Variants in SCNN1D observed in about 807,000 individuals in gnomAD.
SCNN1D encodes the protein sodium channel epithelial 1 subunit delta, also known as epithelial sodium channel subunit delta.
In SCNN1D, 104 loss-of-function variants were observed where a neutral mutation model predicts 87.8. The observed-to-expected ratio is 1.18, with a 90% confidence interval of 1.01 to 1.39. The LOEUF (loss-of-function observed/expected upper bound fraction) is 1.39. SCNN1D is among the 40% of genes most tolerant of loss of function. SCNN1D has a pLI of 0.00. For synonymous variants in SCNN1D, 628 were observed against 481.2 expected (o/e 1.31, Z -3.99); for missense variants, 1,324 against 1,093.9 (o/e 1.21, Z -2.97).
chr1:1,291,373 AGGC>A lies in SCNN1D; in HGVS notation c.2176_2178del (p.Gly726del). On this transcript the variant is annotated inframe_deletion, in exon 18 of 18. Transcript: ENST00000379116. ...ATGCTTCTGCCCTCACCCTGGTGCT[AGGC>A]GGCCGCCGGCTCCGCAGGGCGTGGT... 1 of 1,608,684 alleles carries A rather than the reference AGGC, an allele frequency of 6.2e-7. No homozygotes were observed. The highest frequency in any genetic ancestry group is 8.5e-7 in the Non-Finnish European group (1 of 1,178,636).
Position 1,281,292 on chromosome 1 carries a change from AAGG to A in SCNN1D, c.76_77+1del. 1 of 1,535,784 alleles carries A rather than the reference AAGG, an allele frequency of 6.5e-7. No homozygotes were observed. The highest frequency in any genetic ancestry group is 1.2e-5 in the South Asian group (1 of 84,066). ...TGTGGCCCGGCCACCTCAGCGGCCC[AAGG>A]AGGTGAGCTCACAGCCATGCTCGGT... On this transcript the variant is annotated inframe_deletion and splice_region_variant, in exon 2 of 18. Transcript: ENST00000379116.
At position 1,291,684 on chromosome 1, in the gene SCNN1D, C is replaced by T; in HGVS notation, c.*74C>T. 1 of 1,241,852 alleles carries T rather than the reference C, an allele frequency of 8.1e-7. No individual in the cohort carries two copies. The highest frequency in any genetic ancestry group is 2.6e-5 in the Admixed American group (1 of 38,746). The allele number at this position is 1,241,852 out of a possible 1,614,324, so 76.9% of individuals were successfully genotyped here. A position where few individuals can be genotyped will look rare whatever the true frequency, so the allele number is the denominator to read the frequency against. ...GTGGCAGCAGCAGGCTCCCCAGCGG[C>T]CCAGGGTGGGCCAGACCAGCAGCCC... is the stretch of plus-strand genomic sequence containing the variant. On this transcript the variant is annotated 3_prime_UTR_variant, in exon 18 of 18. Transcript: ENST00000379116.
At position 1,281,520 on chromosome 1, in the gene SCNN1D, G is replaced by A. The variant is rs1640470964; in HGVS notation, c.187G>A (p.Gly63Arg). The A allele has an allele frequency of 6.5e-7, 1 of 1,535,506 alleles. No homozygotes were observed. The highest frequency in any genetic ancestry group is 8.7e-7 in the Non-Finnish European group (1 of 1,146,632). ...GPARGWPRRG[G>R]GPCGFTSAGH... ...AGCGAGGGGATGGCCCAGAAGAGGGGGAGGACCATGTGGATTCACCAGTGC... is the reference window on the plus strand; with the variant it reads ...AGCGAGGGGATGGCCCAGAAGAGGGAGAGGACCATGTGGATTCACCAGTGC... The change falls in exon 3 of 18, where the codon GGA becomes AGA. Residue 63 changes from glycine (G) to arginine (R), a missense_variant. By Grantham distance (125) the Gly-to-Arg change is moderately radical. Coordinates refer to ENST00000379116, the MANE Select transcript of SCNN1D (RefSeq NM_001130413.4).
chr1:1,291,598 T>A lies in SCNN1D; in HGVS notation c.2397T>A (p.Thr799=). Residue 799 remains threonine (T), a synonymous_variant, in exon 18 of 18, where the codon ACT becomes ACA. Transcript: ENST00000379116. ...ESWAGPQPLE[T]LDT is the part of the protein sequence containing the mutation. ...GGGCTGGGCCCCAGCCCCTTGAGAC[T>A]CTGGACACCTGAACCAGACCTGCCA... The A allele has an allele frequency of 6.5e-7, 1 of 1,536,172 alleles. No individual in the cohort carries two copies.
rs570258015 is a variant in SCNN1D at position 1,291,747 on chromosome 1, G to C, written c.*137G>C. The C allele has an allele frequency of 4.9e-6, 3 of 609,566 alleles. No individual in the cohort carries two copies. The South Asian group carries it at 8.5e-5, about 17-fold the overall frequency. The allele number at this position is 609,566 out of a possible 1,614,324, so 37.8% of individuals were successfully genotyped here. A position where few individuals can be genotyped will look rare whatever the true frequency, so the allele number is the denominator to read the frequency against. On this transcript the variant is annotated 3_prime_UTR_variant, in exon 18 of 18. Transcript: ENST00000379116. Reference sequence around the variant, plus strand: ...ACGCGGCCGTGGGGAGGCAGGCACCGGGCATGTCGGCGCCTCTGGTCAAAC... The same window carrying C: ...ACGCGGCCGTGGGGAGGCAGGCACCCGGCATGTCGGCGCCTCTGGTCAAAC...
At chr1:1,290,092 CCGTGTCTCTGCTCCGT>C (rs1184779656) in intron 12 of SCNN1D, among the ~76,000 whole-genome samples, 163 bp from the exon 13 acceptor site, 9 of 142,412 alleles carry the variant, frequency 6.3e-5, no homozygotes, top group East Asian at 2.1e-4. Flanking sequence ...CTGCTCCGTC[CCGTGTCTCTGCTCCGT>C]CCCGTGTCTC....
chr1:1,285,282 C>T (rs936636545), intron 5 of SCNN1D, among the ~76,000 whole-genome samples: 4 of 152,262 alleles, frequency 2.6e-5, no homozygotes, highest in African/African-American at 9.6e-5. Flanking sequence ...CCAGAGCCTC[C>T]AGCGCGGGAC....
chr1:1,291,237 C>T lies in SCNN1D; in HGVS notation c.2053-17C>T. 2 of 1,560,602 alleles carry T rather than the reference C, an allele frequency of 1.3e-6. No individual in the cohort carries two copies. Among genetic ancestry groups the T allele is most frequent in the South Asian group, 1.2e-5 (1 of 85,650 alleles). On this transcript the variant is annotated splice_polypyrimidine_tract_variant and intron_variant, in intron 17 of 17. Coordinates refer to ENST00000379116, the MANE Select transcript of SCNN1D (RefSeq NM_001130413.4). ...GGGGGCCTGGGCCCGCCCCTCACAC[C>T]CGCACCCCACCCGCAGGTGCCGCAG... is the stretch of plus-strand genomic sequence containing the variant.
In SCNN1D at chr1:1,287,947, G is replaced by T. The variant is rs747527483; in HGVS notation, c.1572G>T (p.Val524=). Residue 524 remains valine (V), a synonymous_variant, in exon 12 of 18, where the codon GTG becomes GTT. Transcript: ENST00000379116. ...GAAGCGTCCCCTCCCAGGACGAGGT[G>T]CACCGGCTCGGGAGCCCCTACGGCC... The part of the protein sequence containing the change: ...EATISIREDE[V]HRLGSPYGHC... The T allele has an allele frequency of 2.1e-5, 33 of 1,543,404 alleles. No individual in the cohort carries two copies. The highest frequency in any genetic ancestry group is 2.6e-5 in the Non-Finnish European group (30 of 1,142,566).
At chr1:1,286,304 G>T in intron 7 of SCNN1D, 26 bp downstream of exon 7, 1 of 1,509,932 alleles carries the variant, frequency 6.6e-7, no homozygotes, top group Non-Finnish European at 8.9e-7. Flanking sequence ...GTCGGCGGGA[G>T]GGGTGGCCGC....
At chr1:1,281,173 G>A in intron 1 of SCNN1D, 53 bp from the exon 2 acceptor site, 11 of 1,490,358 alleles carry the variant, frequency 7.4e-6, no homozygotes, top group Non-Finnish European at 9.9e-6. Context: ...GGGGCTCTGG[G>A]ATAGGAGGTC....
Position 1,290,387 on chromosome 1 carries a change from G to C in SCNN1D, c.1779G>C (p.Trp593Cys), listed in dbSNP as rs772734007. The C allele has an allele frequency of 6.2e-7, 1 of 1,604,256 alleles. No homozygotes were observed. The highest frequency in any genetic ancestry group is 1.1e-5 in the South Asian group (1 of 90,168). The change falls in exon 13 of 18, where the codon TGG becomes TGC. Residue 593 changes from tryptophan (W) to cysteine (C), a missense_variant and splice_region_variant. By Grantham distance (215) the Trp-to-Cys change is radical. Coordinates refer to ENST00000379116, the MANE Select transcript of SCNN1D (RefSeq NM_001130413.4). ...GCAGCTCTGCCCGGCACCCTGCCTGGGGTGAGTCCTGCTCGCTGCCTCCCA... is the reference window on the plus strand; with the variant it reads ...GCAGCTCTGCCCGGCACCCTGCCTGCGGTGAGTCCTGCTCGCTGCCTCCCA... ...EYCSSARHPA[W>C]GHCFYRLYQD...
At chr1:1,283,657 C>T (rs1360185374) in intron 4 of SCNN1D, among the ~76,000 whole-genome samples, 1 of 152,174 alleles carries the variant, frequency 6.6e-6, no homozygotes, top group South Asian at 2.1e-4. Context: ...TAGATCGTGC[C>T]ATTGCACTCC....
chr1:1,289,431 TCC>T (rs372798482), intron 12 of SCNN1D, among the ~76,000 whole-genome samples: 5 of 6,378 alleles, frequency 7.8e-4, no homozygotes, highest in Non-Finnish European at 1.3e-3. Flanking sequence ...CTCTGCTCCG[TCC>T]CCCGTGTCTC....
chr1:1,282,206 G>C lies in SCNN1D; in HGVS notation c.278-36G>C, dbSNP rs916096396. On this transcript the variant is annotated intron_variant, in intron 3 of 17. Coordinates refer to ENST00000379116, the MANE Select transcript of SCNN1D (RefSeq NM_001130413.4). ...CAGAGAGGTTGAGTAACTCGGGAAGGCCACACAGCCAGTGACGAAGCTGTG... is the reference window on the plus strand; with the variant it reads ...CAGAGAGGTTGAGTAACTCGGGAAGCCCACACAGCCAGTGACGAAGCTGTG... 1.8e-5 allele frequency: 22 copies of C among 1,200,152 alleles called. No homozygotes were observed. The East Asian group carries it at 5.3e-4, about 29-fold the overall frequency. The allele number at this position is 1,200,152 out of a possible 1,614,324, so 74.3% of individuals were successfully genotyped here.
At position 1,287,842 on chromosome 1, in the gene SCNN1D, C is replaced by A. The variant is rs1640636424; in HGVS notation, c.1563+6C>A. 2 of 1,532,878 alleles carry A rather than the reference C, an allele frequency of 1.3e-6. No homozygotes were observed. The highest frequency in any genetic ancestry group is 1.4e-5 in the African/African-American group (1 of 73,026). 95.0% of individuals were successfully genotyped at this position (1,532,878 alleles called of 1,614,324 possible). ...CCACCATCAGCATCCGAGAGGTGAG[C>A]TGGCCTCTGCAGCCAACCTCCGGCC... On this transcript the variant is annotated splice_donor_region_variant and intron_variant, in intron 11 of 17. Coordinates refer to ENST00000379116, the MANE Select transcript of SCNN1D (RefSeq NM_001130413.4).
intron 1 of SCNN1D, 149 bp downstream of exon 1, chr1:1,280,815 C>T (rs55834051): frequency 8.0e-6 from 5 of 625,006 alleles, no homozygotes; most frequent in South Asian, 7.2e-5. Context: ...GCAGCCCACA[C>T]GCACCTTACT....
chr1:1,282,995 G>A (rs909433144), intron 4 of SCNN1D, among the ~76,000 whole-genome samples: 4 of 151,962 alleles, frequency 2.6e-5, no homozygotes, highest in East Asian at 1.9e-4. Context: ...CTTGTGATCC[G>A]CCCGCCTCGG....
At position 1,287,179 on chromosome 1, in the gene SCNN1D, AC is replaced by A. The variant is rs781169668; in HGVS notation, c.1192del (p.His398ThrfsTer167). On this transcript the variant is annotated frameshift_variant, in exon 9 of 18. Coordinates refer to ENST00000379116, the MANE Select transcript of SCNN1D (RefSeq NM_001130413.4). LOFTEE classifies it high-confidence loss of function. Reference sequence around the variant, plus strand: ...GGCGTGGCGGCTGTCCAGGACTGGTACCACTTCCACTATGTGGATATCCTGG... The same window carrying A: ...GGCGTGGCGGCTGTCCAGGACTGGTACACTTCCACTATGTGGATATCCTGG... The part of the protein sequence containing the change: ...TSGVAAVQDW[Y>X]HFHYVDILAL... 1 of 1,612,214 alleles carries A rather than the reference AC, an allele frequency of 6.2e-7. No individual in the cohort carries two copies. Among genetic ancestry groups the A allele is most frequent in the South Asian group, 1.1e-5 (1 of 91,060 alleles).
Sources: allele counts gnomAD v4.1 joint callset (sites outside exome capture counted in the v4.1 genomes callset), GRCh38; gene constraint gnomAD v4.1.1; transcripts MANE v1.5; gene names NCBI Gene and HGNC (gene_info 2026-07-23, HGNC 2026-07-21).